The following KCNQ5 variants were observed in gnomAD, a reference collection of about 807,000 sequenced individuals.
The protein encoded by KCNQ5 is potassium voltage-gated channel subfamily KQT member 5.
In KCNQ5, 30 loss-of-function variants were observed where a neutral mutation model predicts 98.2. That is an observed-to-expected ratio of 0.31 (90% confidence interval 0.23 to 0.41). KCNQ5 has a LOEUF of 0.41. Among genes scored for constraint, KCNQ5 ranks in the 10% least tolerant of loss-of-function variants. The probability of loss-of-function intolerance (pLI) is 1.00; values close to 1 mark genes in which losing one functional copy is unlikely to be tolerated. For synonymous variants in KCNQ5, 458 were observed against 449.4 expected (o/e 1.02, Z -0.24); for missense variants, 835 against 1,182.5 (o/e 0.71, Z 4.31).
chr6:73,160,077 G>C (rs1205347741), intron 10 of KCNQ5, among the ~76,000 whole-genome samples: 3 of 152,052 alleles, frequency 2.0e-5, no homozygotes, highest in African/African-American at 7.2e-5. Context: ...GCACTGGCGC[G>C]ATCTCGGCTC....
intron 1 of KCNQ5, among the ~76,000 whole-genome samples, chr6:72,678,821 C>T (rs1220370083): frequency 6.6e-6 from 1 of 152,004 alleles, no homozygotes; most frequent in Non-Finnish European, 1.5e-5. Flanking sequence ...TTCAAGAAGC[C>T]ATACAATAGA....
At chr6:72,939,227 G>T (rs116917189) in intron 1 of KCNQ5, among the ~76,000 whole-genome samples, 73 of 152,272 alleles carry the variant, frequency 4.8e-4, no homozygotes, top group Non-Finnish European at 8.4e-4. Context: ...GTCCCTCAGG[G>T]ACACTAGCTG....
At chr6:72,947,076 C>A (rs944695972) in intron 1 of KCNQ5, among the ~76,000 whole-genome samples, 1 of 152,106 alleles carries the variant, frequency 6.6e-6, no homozygotes, top group Non-Finnish European at 1.5e-5. Context: ...AGCCTTTGAA[C>A]CTCAGTATTA....
chr6:72,967,883 C>T (rs1415696505), intron 1 of KCNQ5: 2 of 153,254 alleles, frequency 1.3e-5, no homozygotes, highest in African/African-American at 4.8e-5. Flanking sequence ...AGGCATAAGC[C>T]ACTGCACCTG....
At chr6:72,690,868 A>T (rs1345991159) in intron 1 of KCNQ5, among the ~76,000 whole-genome samples, 2 of 152,086 alleles carry the variant, frequency 1.3e-5, no homozygotes, top group Non-Finnish European at 1.5e-5. Context: ...TATAAATTAT[A>T]TATAGATGTC....
intron 1 of KCNQ5, among the ~76,000 whole-genome samples, chr6:72,782,084 T>C (rs931069982): frequency 2.0e-5 from 3 of 152,212 alleles, no homozygotes; most frequent in South Asian, 2.1e-4. Flanking sequence ...CATTTTCTTT[T>C]GACATGTCAC....
chr6:73,100,512 A>C (rs1774725395), intron 5 of KCNQ5, among the ~76,000 whole-genome samples: 1 of 20,206 alleles, frequency 4.9e-5, no homozygotes, highest in Middle Eastern at 0.071. Flanking sequence ...TAAAAAATAC[A>C]AAAAAAAATA....
chr6:72,633,595 A>C (rs2098922307), intron 1 of KCNQ5, among the ~76,000 whole-genome samples: 1 of 152,234 alleles, frequency 6.6e-6, no homozygotes, highest in Non-Finnish European at 1.5e-5. Context: ...AAGCAATCCT[A>C]AGCAAAAAGA....
intron 1 of KCNQ5, among the ~76,000 whole-genome samples, chr6:72,878,100 G>T (rs1457572846): frequency 7.2e-5 from 11 of 152,072 alleles, no homozygotes; most frequent in Admixed American, 7.2e-4. Flanking sequence ...GTGAAACCCC[G>T]TCTCTACTAA....
chr6:73,059,359 A>G (rs558139697), intron 3 of KCNQ5, among the ~76,000 whole-genome samples: 4 of 152,356 alleles, frequency 2.6e-5, no homozygotes, highest in African/African-American at 9.6e-5. Context: ...AGAGCTAAGC[A>G]TTGAGTTATA....
intron 1 of KCNQ5, among the ~76,000 whole-genome samples, chr6:72,652,142 A>C (rs569689859): frequency 2.6e-5 from 4 of 152,034 alleles, no homozygotes; most frequent in African/African-American, 7.2e-5. Flanking sequence ...TCATATGTAA[A>C]TTAAGAAACA....
chr6:72,778,899 A>G (rs1401680882), intron 1 of KCNQ5, among the ~76,000 whole-genome samples: 4 of 152,208 alleles, frequency 2.6e-5, no homozygotes, highest in African/African-American at 9.6e-5. Context: ...AAGAGGTGCC[A>G]CTATAAATAG....
chr6:72,964,846 T>C (rs543476658), intron 1 of KCNQ5, among the ~76,000 whole-genome samples: 19 of 152,342 alleles, frequency 1.2e-4, no homozygotes, highest in African/African-American at 4.3e-4. Flanking sequence ...TTGAACAAAC[T>C]GACACTCTTG....
intron 1 of KCNQ5, among the ~76,000 whole-genome samples, chr6:72,678,105 T>C (rs1456387979): frequency 6.6e-6 from 1 of 152,214 alleles, no homozygotes; most frequent in East Asian, 1.9e-4. Context: ...GAGAAACAAA[T>C]GAAAAGTATC....
intron 1 of KCNQ5, among the ~76,000 whole-genome samples, chr6:72,826,999 A>G (rs1218256776): frequency 2.0e-5 from 3 of 152,278 alleles, no homozygotes; most frequent in South Asian, 2.1e-4. Flanking sequence ...TTCCTGGCTT[A>G]TTTCACATAA....
intron 1 of KCNQ5, among the ~76,000 whole-genome samples, chr6:72,752,696 C>G (rs1194411310): frequency 6.6e-6 from 1 of 152,112 alleles, no homozygotes; most frequent in Non-Finnish European, 1.5e-5. Flanking sequence ...TTTAGGCTAA[C>G]AAACGAGAAC....
At chr6:72,731,591 A>C (rs1175178721) in intron 1 of KCNQ5, among the ~76,000 whole-genome samples, 1 of 152,172 alleles carries the variant, frequency 6.6e-6, no homozygotes, top group Non-Finnish European at 1.5e-5. Context: ...ATGGCTGCTT[A>C]AGCTCTCACC....
At chr6:73,081,725 T>C (rs1454881792) in intron 5 of KCNQ5, among the ~76,000 whole-genome samples, 1 of 152,182 alleles carries the variant, frequency 6.6e-6, no homozygotes, top group Non-Finnish European at 1.5e-5. Flanking sequence ...AAAGAAGGAT[T>C]TATATCTCCT....
chr6:72,887,223 A>G (rs144427764), intron 1 of KCNQ5, among the ~76,000 whole-genome samples: 36 of 152,328 alleles, frequency 2.4e-4, no homozygotes, highest in African/African-American at 8.4e-4. Context: ...ACAGTTCCAC[A>G]TGGCTGGGAA....
Sources: allele counts gnomAD v4.1 joint callset (sites outside exome capture counted in the v4.1 genomes callset), GRCh38; gene constraint gnomAD v4.1.1; transcripts MANE v1.5; gene names NCBI Gene and HGNC (gene_info 2026-07-23, HGNC 2026-07-21).